The following ZNF236 variants were observed in gnomAD, a reference collection of about 807,000 sequenced individuals.
The protein encoded by ZNF236 is regulated by glucose.
In ZNF236, 50 loss-of-function variants were observed where a neutral mutation model predicts 191.2. That is an observed-to-expected ratio of 0.26 (90% CI 0.21 to 0.33). The LOEUF (loss-of-function observed/expected upper bound fraction) is 0.33, where lower values mean the gene tolerates loss of function less well. ZNF236 is among the 10% of genes least tolerant of loss of function. The pLI is 1.00. For missense variants in ZNF236, 1,754 were observed against 2,374.5 expected (o/e 0.74, Z 5.43); for synonymous variants, 907 against 928.8 (o/e 0.98, Z 0.43).
At chr18:76,903,378 C>G (rs1022933461) in intron 11 of ZNF236, among the ~76,000 whole-genome samples, 7 of 152,160 alleles carry the variant, frequency 4.6e-5, no homozygotes, top group African/African-American at 1.7e-4. Context: ...GAAGACTGTT[C>G]CAGGCATGCA....
intron 19 of ZNF236, among the ~76,000 whole-genome samples, chr18:76,916,746 G>T (rs1416828670): frequency 6.6e-6 from 1 of 152,184 alleles, no homozygotes; most frequent in Non-Finnish European, 1.5e-5. Context: ...TGTATGTGTT[G>T]GCCTGGGCTC....
At chr18:76,879,880 T>C (rs922453709) in intron 7 of ZNF236, among the ~76,000 whole-genome samples, 1 of 152,110 alleles carries the variant, frequency 6.6e-6, no homozygotes, top group African/African-American at 2.4e-5. Context: ...GTCTCTATGC[T>C]CACTGGAAAA....
chr18:76,878,920 T>C (rs1337449813), intron 7 of ZNF236, among the ~76,000 whole-genome samples: 1 of 152,226 alleles, frequency 6.6e-6, no homozygotes, highest in Non-Finnish European at 1.5e-5. Context: ...GGTTTACCTT[T>C]AGTGTTTGTT....
rs1968890044 is a variant in ZNF236 at position 76,970,452 on chromosome 18, G to A, written c.*2113G>A. The A allele has an allele frequency of 6.6e-6, 1 of 152,548 alleles. No individual in the cohort carries two copies. Among genetic ancestry groups the A allele is most frequent in the Admixed American group, 6.5e-5 (1 of 15,272 alleles). 9.4% of individuals were successfully genotyped at this position (152,548 alleles called of 1,614,324 possible). Reference sequence around the variant, plus strand: ...TATTAGCAAACACAAGACATTTTATGTATTATTTCGATTTACTTCCTAATT... The same window carrying A: ...TATTAGCAAACACAAGACATTTTATATATTATTTCGATTTACTTCCTAATT... On this transcript the variant is annotated 3_prime_UTR_variant, in exon 31 of 31. Coordinates refer to ENST00000320610, the MANE Select transcript of ZNF236 (RefSeq NM_001306089.2).
intron 3 of ZNF236, among the ~76,000 whole-genome samples, chr18:76,866,581 G>A (rs989472947): frequency 6.6e-6 from 1 of 152,158 alleles, no homozygotes; most frequent in Non-Finnish European, 1.5e-5. Flanking sequence ...AGAGATGATC[G>A]TATCTTCAGC....
At chr18:76,837,138 C>G (rs76468949) in intron 1 of ZNF236, among the ~76,000 whole-genome samples, 4 of 120,030 alleles carry the variant, frequency 3.3e-5, no homozygotes, top group Non-Finnish European at 5.5e-5. Flanking sequence ...CCCCCCCCCC[C>G]CGCCCCGCAA....
rs750727675 is a variant in ZNF236, at chr18:76,908,305, T to C, written c.2298-15T>C. ...CAGCATCTAACCTGATGAACTGTTG[T>C]TAATTTTTCTGAAGATATGAGCTTG... On this transcript the variant is annotated splice_polypyrimidine_tract_variant and intron_variant, in intron 13 of 30. Coordinates refer to ENST00000320610, the MANE Select transcript of ZNF236 (RefSeq NM_001306089.2). 6.2e-7 allele frequency: 1 copy of C among 1,607,748 alleles called. No homozygotes were observed. The highest frequency in any genetic ancestry group is 1.3e-5 in the African/African-American group (1 of 74,816).
intron 3 of ZNF236, among the ~76,000 whole-genome samples, chr18:76,863,933 G>T (rs1370614626): frequency 6.6e-6 from 1 of 152,198 alleles, no homozygotes; most frequent in Non-Finnish European, 1.5e-5. Context: ...CTGTGTGAAC[G>T]TGGAGAGTGT....
Position 76,878,129 on chromosome 18 carries a change from A to G in ZNF236, c.961A>G (p.Thr321Ala), listed in dbSNP as rs1976766523. Residue 321 changes from threonine to alanine, a missense_variant, in exon 7 of 31, where the codon ACA becomes GCA. Coordinates refer to ENST00000320610, the MANE Select transcript of ZNF236 (RefSeq NM_001306089.2). ...MGGPQNSTSS[T>A]ETAHVLTATL... ...TGGGCCACAGAATTCAACAAGTTCTACAGAGACTGCTCATGTTTTAACGGT... is the reference window on the plus strand; with the variant it reads ...TGGGCCACAGAATTCAACAAGTTCTGCAGAGACTGCTCATGTTTTAACGGT... The G allele has an allele frequency of 1.2e-6, 2 of 1,611,512 alleles. No individual in the cohort carries two copies. Among genetic ancestry groups the G allele is most frequent in the Non-Finnish European group, 1.7e-6 (2 of 1,178,702 alleles).
rs1968839787 is a variant in ZNF236, at chr18:76,968,508, A to G, written c.*169A>G. ...GTCTTTCAGAGACTCATAGGAAAAA[A>G]AAACTAGGAAAAGTGTCACCGCATT... is the stretch of plus-strand genomic sequence containing the variant. On this transcript the variant is annotated 3_prime_UTR_variant, in exon 31 of 31. Transcript: ENST00000320610. 5.7e-6 allele frequency: 8 copies of G among 1,392,408 alleles called. No homozygotes were observed. The highest frequency in any genetic ancestry group is 7.4e-6 in the Non-Finnish European group (8 of 1,084,464). The allele number at this position is 1,392,408 out of a possible 1,614,324, so 86.3% of individuals were successfully genotyped here.
At chr18:76,938,119 G>C (rs984846161) in intron 26 of ZNF236, among the ~76,000 whole-genome samples, 1 of 152,326 alleles carries the variant, frequency 6.6e-6, no homozygotes, top group East Asian at 1.9e-4. Flanking sequence ...CTGGACACAG[G>C]TGGCTCCTGC....
intron 30 of ZNF236, among the ~76,000 whole-genome samples, chr18:76,967,430 A>AT (rs142945858): frequency 2.6e-4 from 2 of 7,732 alleles, no homozygotes; most frequent in Non-Finnish European, 5.7e-4. Context: ...GAGGTTTGTG[A>AT]TTTGTTGTTG....
intron 4 of ZNF236, among the ~76,000 whole-genome samples, chr18:76,869,283 C>T (rs763918140): frequency 4.6e-5 from 7 of 152,200 alleles, no homozygotes; most frequent in Non-Finnish European, 8.8e-5. Flanking sequence ...TCATTACAAA[C>T]AACCCTGTTA....
intron 6 of ZNF236, among the ~76,000 whole-genome samples, chr18:76,876,029 G>A (rs184064282): frequency 3.7e-4 from 57 of 152,126 alleles, no homozygotes; most frequent in Non-Finnish European, 7.4e-4. Flanking sequence ...AATAAAATTG[G>A]GAAAAAAAAG....
chr18:76,886,146 G>C (rs778974142), intron 9 of ZNF236: 7 of 152,118 alleles, frequency 4.6e-5, no homozygotes, highest in Non-Finnish European at 1.0e-4. Flanking sequence ...ACAAATAGTT[G>C]ATTATTGTTC....
At chr18:76,959,608 C>T (rs1013201266) in intron 28 of ZNF236, 79 bp from the exon 29 acceptor site, 34 of 1,498,482 alleles carry the variant, frequency 2.3e-5, no homozygotes, top group Non-Finnish European at 3.0e-5. Context: ...TTGAACTTTG[C>T]AGTGATTTGC....
At chr18:76,944,805 G>A (rs1281074352) in intron 26 of ZNF236, among the ~76,000 whole-genome samples, 1 of 152,044 alleles carries the variant, frequency 6.6e-6, no homozygotes, top group African/African-American at 2.4e-5. Flanking sequence ...ACTTAATTAA[G>A]GTTTGCAATT....
Position 76,880,330 on chromosome 18 carries a change from C to G in ZNF236, c.1188+14C>G, listed in dbSNP as rs1477897277. Reference sequence around the variant, plus strand: ...GACATTTTACAGGTGAAGCACGCTTCCCTGCGGTGTGAGGCTTACGTGCTC... The same window carrying G: ...GACATTTTACAGGTGAAGCACGCTTGCCTGCGGTGTGAGGCTTACGTGCTC... On this transcript the variant is annotated intron_variant, in intron 8 of 30. Coordinates refer to ENST00000320610, the MANE Select transcript of ZNF236 (RefSeq NM_001306089.2). The surrounding 1 kb of genome is among the most constrained non-coding windows in gnomAD (Gnocchi z 5.0). The G allele has an allele frequency of 1.9e-6, 3 of 1,600,974 alleles. No individual in the cohort carries two copies. In the Admixed American group the frequency reaches 5.1e-5, roughly 27 times the overall value.
chr18:76,888,970 A>C (rs1977146693), intron 9 of ZNF236, among the ~76,000 whole-genome samples: 1 of 152,194 alleles, frequency 6.6e-6, no homozygotes, highest in African/African-American at 2.4e-5. Context: ...ACTGAAGAGA[A>C]CACGTCTAGG....
Sources: gnomAD v4.1 joint callset for allele counts (sites outside exome capture counted in the v4.1 genomes callset) on GRCh38, gnomAD v4.1.1 for gene constraint, Gnocchi (gnomAD v3.1) non-coding constraint, MANE v1.5 for transcripts, NCBI Gene and HGNC (gene_info 2026-07-23, HGNC 2026-07-21) for gene names.